The following MAT2A variants were observed in gnomAD, a reference collection of about 807,000 sequenced individuals.
MAT2A encodes methionine adenosyltransferase 2A.
Under a neutral mutation model 43.9 loss-of-function variants are expected in MAT2A, and 3 were observed. That is an observed-to-expected ratio of 0.07 (90% CI 0.03 to 0.18). MAT2A has a LOEUF of 0.18. MAT2A is among the 10% of genes least tolerant of loss of function. MAT2A has a pLI of 1.00. For synonymous variants in MAT2A, 200 were observed against 168.4 expected (o/e 1.19, Z -1.45); for missense variants, 204 against 489.0 (o/e 0.42, Z 5.50).
intron 7 of MAT2A, 58 bp from the exon 8 acceptor site, chr2:85,542,843 T>A: frequency 1.9e-6 from 3 of 1,577,448 alleles, no homozygotes; most frequent in Non-Finnish European, 2.6e-6. Context: ...ACCAACGTAT[T>A]ATACAAGTAT....
chr2:85,539,578 C>G (rs1219037897), intron 1 of MAT2A, 200 bp downstream of exon 1: 5 of 465,372 alleles, frequency 1.1e-5, no homozygotes, highest in African/African-American at 2.1e-5. Flanking sequence ...CCTCCCCTCT[C>G]CACCCTTCCC....
Position 85,542,378 on chromosome 2 carries a change from T to C in MAT2A, c.768+5T>C. ...TTTGTTATTGGTGGGCCTCAGGTAA[T>C]GTCATTTTGTTGCATTTTTCTGGAT... is the stretch of plus-strand genomic sequence containing the variant. On this transcript the variant is annotated splice_donor_5th_base_variant and intron_variant, in intron 6 of 8. Transcript: ENST00000306434. 1 of 1,610,856 alleles carries C rather than the reference T, an allele frequency of 6.2e-7. No individual in the cohort carries two copies.
At chr2:85,542,498 C>T (rs1206069596) in intron 6 of MAT2A, 67 bp from the exon 7 acceptor site, 43 of 1,545,820 alleles carry the variant, frequency 2.8e-5, no homozygotes, top group Non-Finnish European at 3.7e-5. Flanking sequence ...TGAATGAATT[C>T]AGAATAGGCA....
intron 5 of MAT2A, 34 bp downstream of exon 5, chr2:85,542,006 T>C (rs992684601): frequency 6.2e-7 from 1 of 1,605,622 alleles, no homozygotes; most frequent in East Asian, 2.2e-5. Flanking sequence ...GTTGTCTCAT[T>C]TATTACATCA....
chr2:85,542,726 G>A lies in MAT2A; in HGVS notation c.930G>A (p.Leu310=). 1 of 1,612,298 alleles carries A rather than the reference G, an allele frequency of 6.2e-7. No individual in the cohort carries two copies. The highest frequency in any genetic ancestry group is 8.5e-7 in the Non-Finnish European group (1 of 1,178,774). The change falls in exon 7 of 9, where the codon CTG becomes CTA. Residue 310 remains leucine, a synonymous_variant. Coordinates refer to ENST00000306434, the MANE Select transcript of MAT2A (RefSeq NM_005911.6). Reference sequence around the variant, plus strand: ...CAAAATCCCTTGTTAAAGGAGGTCTGTGCCGGAGGGTTCTTGTTCAGGTAT... The same window carrying A: ...CAAAATCCCTTGTTAAAGGAGGTCTATGCCGGAGGGTTCTTGTTCAGGTAT... ...WVAKSLVKGG[L]CRRVLVQVSY...
At chr2:85,542,464 T>C (rs1691500961) in intron 6 of MAT2A, 91 bp downstream of exon 6, 3 of 1,532,106 alleles carry the variant, frequency 2.0e-6, no homozygotes, top group Non-Finnish European at 2.7e-6. Flanking sequence ...GAAACCTACA[T>C]GTGAATCATC....
chr2:85,539,379 G>A lies in MAT2A; in HGVS notation c.91+1G>A. 6.2e-7 allele frequency: 1 copy of A among 1,600,332 alleles called. No individual in the cohort carries two copies. The highest frequency in any genetic ancestry group is 8.5e-7 in the Non-Finnish European group (1 of 1,174,354). On this transcript the variant is annotated splice_donor_variant, in intron 1 of 8. Coordinates refer to ENST00000306434, the MANE Select transcript of MAT2A (RefSeq NM_005911.6). LOFTEE classifies it high-confidence loss of function. ...GAGTCGGTCGGGGAAGGCCACCCAG[G>A]TGAGGGGACGGCCTGAAGCGAAGCG...
chr2:85,542,056 A>G (rs1208287152), intron 5 of MAT2A, 84 bp downstream of exon 5: 7 of 1,587,340 alleles, frequency 4.4e-6, no homozygotes, highest in African/African-American at 1.3e-5. Context: ...CTAACTGGAA[A>G]AAATAGCATT....
In MAT2A at chr2:85,539,485, C is replaced by T. The variant is rs971078859; in HGVS notation, c.91+107C>T. The T allele has an allele frequency of 1.1e-5, 9 of 816,332 alleles. No homozygotes were observed. The African/African-American group carries it at 1.3e-4, about 12-fold the overall frequency. 50.6% of individuals were successfully genotyped at this position (816,332 alleles called of 1,614,324 possible). On this transcript the variant is annotated intron_variant, in intron 1 of 8. Coordinates refer to ENST00000306434, the MANE Select transcript of MAT2A (RefSeq NM_005911.6). ...GGGGCCCGCGCGGGTCGTCCTCGTC[C>T]GCCGGGTGATGGAAGAGCGGCGACC...
At chr2:85,539,470 C>T (rs1012364916) in intron 1 of MAT2A, 92 bp downstream of exon 1, 6 of 994,590 alleles carry the variant, frequency 6.0e-6, no homozygotes, top group African/African-American at 1.7e-5. Context: ...GGGGCCCGCG[C>T]GGGTCGTCCT....
At chr2:85,542,428 GCTA>G (rs995622642) in intron 6 of MAT2A, 55 bp downstream of exon 6, 10 of 1,577,868 alleles carry the variant, frequency 6.3e-6, no homozygotes, top group Non-Finnish European at 8.7e-6. Context: ...TAAAATTTTG[GCTA>G]CTACATTTTT....
In MAT2A at chr2:85,541,149, A is replaced by G. The variant is rs141686174; in HGVS notation, c.158A>G (p.Lys53Arg). Residue 53 changes from lysine to arginine, a missense_variant, in exon 2 of 9, where the codon AAA (lysine) becomes AGA (arginine). Coordinates refer to ENST00000306434, the MANE Select transcript of MAT2A (RefSeq NM_005911.6). ...DAHLQQDPDA[K>R]VACETVAKTG... ...CACCTTCAGCAGGATCCTGATGCCA[A>G]AGTAGCTTGTGGTAGGTTCAGAATG... is the stretch of plus-strand genomic sequence containing the variant. The G allele has an allele frequency of 7.4e-6, 12 of 1,613,630 alleles. 1 individual carries two copies. Among genetic ancestry groups the G allele is most frequent in the East Asian group, 2.2e-5 (1 of 44,878 alleles).
Position 85,541,495 on chromosome 2 carries a change from C to G in MAT2A, c.292+118C>G. On this transcript the variant is annotated intron_variant, in intron 3 of 8. Transcript: ENST00000306434. ...GTTGTATCTTACTATACACTAAGCC[C>G]TATTCTGTTCATTCTCTAAAAGGTC... The G allele has an allele frequency of 2.2e-6, 3 of 1,356,288 alleles. No individual in the cohort carries two copies. In the South Asian group the frequency reaches 4.1e-5, roughly 19 times the overall value. The allele number at this position is 1,356,288 out of a possible 1,614,324, so 84.0% of individuals were successfully genotyped here.
At chr2:85,541,792 TG>T in intron 4 of MAT2A, 36 bp from the exon 5 acceptor site, 1 of 1,613,904 alleles carries the variant, frequency 6.2e-7, no homozygotes, top group Non-Finnish European at 8.5e-7. Flanking sequence ...CATTAAATTC[TG>T]GAGCTTGATC....
Position 85,541,337 on chromosome 2 carries a change from T to G in MAT2A, c.252T>G (p.Arg84=). 1 of 1,613,994 alleles carries G rather than the reference T, an allele frequency of 6.2e-7. No individual in the cohort carries two copies. ...RAAVDYQKVV[R]EAVKHIGYDD... is the part of the protein sequence containing the mutation. Reference sequence around the variant, plus strand: ...CTGTTGACTACCAGAAAGTGGTTCGTGAAGCTGTTAAACACATTGGATATG... The same window carrying G: ...CTGTTGACTACCAGAAAGTGGTTCGGGAAGCTGTTAAACACATTGGATATG... Residue 84 remains arginine, a synonymous_variant, in exon 3 of 9, where the codon CGT becomes CGG. Coordinates refer to ENST00000306434, the MANE Select transcript of MAT2A (RefSeq NM_005911.6).
intron 6 of MAT2A, 56 bp downstream of exon 6, chr2:85,542,429 C>T: frequency 6.4e-7 from 1 of 1,574,614 alleles, no homozygotes; most frequent in Non-Finnish European, 8.7e-7. Context: ...AAAATTTTGG[C>T]TACTACATTT....
intron 1 of MAT2A, among the ~76,000 whole-genome samples, chr2:85,540,577 G>GC (rs1030199981): frequency 1.7e-4 from 26 of 152,214 alleles, no homozygotes; most frequent in African/African-American, 6.3e-4. Flanking sequence ...AGATGACAAA[G>GC]CAGGGAGACA....
At chr2:85,540,253 A>G (rs887229448) in intron 1 of MAT2A, among the ~76,000 whole-genome samples, 5 of 152,258 alleles carry the variant, frequency 3.3e-5, no homozygotes, top group African/African-American at 1.2e-4. Context: ...CGGCTAGTAA[A>G]GATGATTATT....
In MAT2A at chr2:85,545,265, C is replaced by T. The variant is rs1691599381; in HGVS notation, c.*1493C>T. 6.6e-6 allele frequency: 1 copy of T among 152,574 alleles called. No homozygotes were observed. Among genetic ancestry groups the T allele is most frequent in the South Asian group, 2.1e-4 (1 of 4,832 alleles). 9.5% of individuals were successfully genotyped at this position (152,574 alleles called of 1,614,324 possible). A position where few individuals can be genotyped will look rare whatever the true frequency, so the allele number is the denominator to read the frequency against. ...GTTTAATGAAGATCTAAATAAAATG[C>T]TAGGTTCTACCTTAACTGTGTCTGT... On this transcript the variant is annotated 3_prime_UTR_variant, in exon 9 of 9. Coordinates refer to ENST00000306434, the MANE Select transcript of MAT2A (RefSeq NM_005911.6).
Sources: allele counts gnomAD v4.1 joint callset (sites outside exome capture counted in the v4.1 genomes callset), GRCh38; gene constraint gnomAD v4.1.1; transcripts MANE v1.5; gene names NCBI Gene and HGNC (gene_info 2026-07-23, HGNC 2026-07-21).